Variants in ZNF471 observed in about 807,000 individuals in gnomAD.
The protein encoded by ZNF471 is EZFIT-related protein 1.
In ZNF471, 7 loss-of-function variants were observed where a neutral mutation model predicts 13.7. That is an observed-to-expected ratio of 0.51 (90% CI 0.29 to 0.96). ZNF471 has a LOEUF of 0.96. ZNF471 is among the 40% of genes least tolerant of loss of function. The pLI, the probability that ZNF471 is intolerant of heterozygous loss-of-function variation, is 0.08. For synonymous variants in ZNF471, 218 were observed against 235.6 expected (o/e 0.93, Z 0.68); for missense variants, 663 against 743.3 (o/e 0.89, Z 1.26).
chr19:56,525,128 C>A lies in ZNF471; in HGVS notation c.1061C>A (p.Ala354Asp). The change falls in exon 5 of 5, where the codon GCT becomes GAT. Residue 354 changes from alanine (A) to aspartate (D), a missense_variant. Transcript: ENST00000308031. ...TATGAATGTATTGAGTGTGGGAAGGCTTTTAGGTATAACACATCTTTTATT... is the reference window on the plus strand; with the variant it reads ...TATGAATGTATTGAGTGTGGGAAGGATTTTAGGTATAACACATCTTTTATT... ...RPYECIECGKAFRYNTSFIRH... is the reference protein window; with the variant it reads ...RPYECIECGKDFRYNTSFIRH... 6.2e-7 allele frequency: 1 copy of A among 1,614,068 alleles called. No homozygotes were observed. The highest frequency in any genetic ancestry group is 2.2e-5 in the East Asian group (1 of 44,862).
At chr19:56,511,093 T>C (rs901337875) in intron 1 of ZNF471, 4 of 846,500 alleles carry the variant, frequency 4.7e-6, no homozygotes, top group Admixed American at 7.2e-5. Flanking sequence ...CCTTTTTCTT[T>C]TGTTTTTTTT....
At chr19:56,515,875 T>C (rs1238665587) in intron 2 of ZNF471, among the ~76,000 whole-genome samples, 1 of 152,242 alleles carries the variant, frequency 6.6e-6, no homozygotes, top group Non-Finnish European at 1.5e-5. Context: ...AAACATGTTT[T>C]TATTATTTAA....
rs1295136163 is a variant in ZNF471, at chr19:56,529,120, A to G, written c.*3172A>G. 1 of 152,246 alleles carries G rather than the reference A, an allele frequency of 6.6e-6. No homozygotes were observed. The highest frequency in any genetic ancestry group is 2.1e-4 in the South Asian group (1 of 4,832). 9.4% of individuals were successfully genotyped at this position (152,246 alleles called of 1,614,324 possible). Reference sequence around the variant, plus strand: ...AACATGATCCTACATGAATGTTTCAATATTGTAATCCTGTAAGTTACTTTT... The same window carrying G: ...AACATGATCCTACATGAATGTTTCAGTATTGTAATCCTGTAAGTTACTTTT... On this transcript the variant is annotated 3_prime_UTR_variant, in exon 5 of 5. Transcript: ENST00000308031.
At position 56,525,574 on chromosome 19, in the gene ZNF471, G is replaced by T. The variant is rs2044035435; in HGVS notation, c.1507G>T (p.Ala503Ser). ...GKAFRISSQL[A>S]THQRIHTGEK... ...AGCTTTTAGAATCAGTTCACAGCTG[G>T]CTACTCATCAGAGAATTCATACTGG... is the stretch of plus-strand genomic sequence containing the variant. Residue 503 changes from alanine (A) to serine (S), a missense_variant, in exon 5 of 5, where the codon GCT (alanine) becomes TCT (serine). Physicochemically the swap from Ala to Ser is moderately conservative, Grantham distance 99. Coordinates refer to ENST00000308031, the MANE Select transcript of ZNF471 (RefSeq NM_020813.4). 1 of 1,613,930 alleles carries T rather than the reference G, an allele frequency of 6.2e-7. No individual in the cohort carries two copies. Among genetic ancestry groups the T allele is most frequent in the Non-Finnish European group, 8.5e-7 (1 of 1,179,978 alleles).
In ZNF471 at chr19:56,516,457, T is replaced by C; in HGVS notation, c.160+56T>C. 1 of 1,510,966 alleles carries C rather than the reference T, an allele frequency of 6.6e-7. No homozygotes were observed. The highest frequency in any genetic ancestry group is 8.9e-7 in the Non-Finnish European group (1 of 1,124,184). 93.6% of individuals were successfully genotyped at this position (1,510,966 alleles called of 1,614,324 possible). On this transcript the variant is annotated intron_variant, in intron 3 of 4. Transcript: ENST00000308031. This position sits in a 1 kb window ranked among gnomAD's most constrained non-coding sequence, Gnocchi z 4.4. ...CCTTTAAGGAACTTTTTTGTCTATA[T>C]ATTATTAAATTTGCTTTTATTATAT...
Position 56,527,605 on chromosome 19 carries a change from G to C in ZNF471, c.*1657G>C, listed in dbSNP as rs1203325163. 6.6e-6 allele frequency: 1 copy of C among 152,172 alleles called. No homozygotes were observed. The highest frequency in any genetic ancestry group is 1.9e-4 in the East Asian group (1 of 5,194). The allele number at this position is 152,172 out of a possible 1,614,324, so 9.4% of individuals were successfully genotyped here. On this transcript the variant is annotated 3_prime_UTR_variant, in exon 5 of 5. Transcript: ENST00000308031. ...AAAAGGTTAGAGGAATTGCTAACTA[G>C]AATAACCAGTTTAGAGAAGAACATA...
rs940722288 is a variant in ZNF471 at position 56,508,489 on chromosome 19, GGAGTGT to G, written c.-56+573_-56+578del. ...TGTGAGAGAGTGAGACGGGCTGGATGGAGTGTGAGAGACCAGTGAGTGTGAGAGATG... is the reference window on the plus strand; with the variant it reads ...TGTGAGAGAGTGAGACGGGCTGGATGGAGAGACCAGTGAGTGTGAGAGATG... On this transcript the variant is annotated intron_variant, in intron 1 of 4. Transcript: ENST00000308031. The surrounding 1 kb of genome is among the most constrained non-coding windows in gnomAD (Gnocchi z 4.7). 4.0e-5 allele frequency among the ~76,000 whole-genome samples: 6 copies of G among 151,344 alleles called. No homozygotes were observed. The highest frequency in any genetic ancestry group is 7.4e-5 in the Non-Finnish European group (5 of 67,806).
In ZNF471 at chr19:56,516,089, G is replaced by A. The variant is rs866948944; in HGVS notation, c.34-186G>A. 3.3e-5 allele frequency among the ~76,000 whole-genome samples: 5 copies of A among 152,154 alleles called. No individual in the cohort carries two copies. Among genetic ancestry groups the A allele is most frequent in the East Asian group, 1.9e-4 (1 of 5,190 alleles). ...CCCATATTTCCCTATGTTCGGAATC[G>A]ATTGGCCCCATTGTACCCAATGCAG... On this transcript the variant is annotated intron_variant, in intron 2 of 4. Transcript: ENST00000308031. The surrounding 1 kb of genome is among the most constrained non-coding windows in gnomAD (Gnocchi z 4.4).
intron 1 of ZNF471, chr19:56,511,080 T>A: frequency 4.1e-6 from 4 of 967,482 alleles, no homozygotes; most frequent in Non-Finnish European, 4.9e-6. Context: ...GGAGTCAGAT[T>A]TTCCTTTTTC....
At chr19:56,511,428 G>A (rs2043810152) in intron 1 of ZNF471, 89 bp from the exon 2 acceptor site, 1 of 1,019,012 alleles carries the variant, frequency 9.8e-7, no homozygotes, top group African/African-American at 1.6e-5. Flanking sequence ...ATCAACCAAA[G>A]CTGGGAAGAA....
rs1376054098 is a variant in ZNF471 at position 56,516,350 on chromosome 19, C to T, written c.109C>T (p.Arg37Cys). The change falls in exon 3 of 5, where the codon CGT (arginine) becomes TGT (cysteine). Residue 37 changes from arginine to cysteine, a missense_variant. Transcript: ENST00000308031. The surrounding 1 kb of genome is among the most constrained non-coding windows in gnomAD (Gnocchi z 4.4). Reference protein sequence around the residue: ...EWQWMNPAQKRLYRSMMLENY... With the variant: ...EWQWMNPAQKCLYRSMMLENY... ...GCAATGGATGAACCCTGCTCAGAAGCGTTTATACAGGAGTATGATGTTGGA... is the reference window on the plus strand; with the variant it reads ...GCAATGGATGAACCCTGCTCAGAAGTGTTTATACAGGAGTATGATGTTGGA... 4.3e-6 allele frequency: 7 copies of T among 1,613,712 alleles called. No homozygotes were observed. Among genetic ancestry groups the T allele is most frequent in the Admixed American group, 3.3e-5 (2 of 60,014 alleles).
intron 1 of ZNF471, 147 bp from the exon 2 acceptor site, chr19:56,511,370 G>T: frequency 1.9e-6 from 1 of 529,278 alleles, no homozygotes; most frequent in Non-Finnish European, 3.2e-6. Flanking sequence ...AAACCGTTAT[G>T]AGTTTTAGCC....
Position 56,526,063 on chromosome 19 carries a change from C to CTCCTGGCTGA in ZNF471, c.*115_*116insTCCTGGCTGA. On this transcript the variant is annotated 3_prime_UTR_variant, in exon 5 of 5. Coordinates refer to ENST00000308031, the MANE Select transcript of ZNF471 (RefSeq NM_020813.4). Reference sequence around the variant, plus strand: ...TAAGAAATGTAGAAAAACCTTCAGCCAGGAGGCTGGCAAGATGGCCGAATA... The same window carrying CTCCTGGCTGA: ...TAAGAAATGTAGAAAAACCTTCAGCCTCCTGGCTGAAGGAGGCTGGCAAGATGGCCGAATA... 1.7e-6 allele frequency: 2 copies of CTCCTGGCTGA among 1,194,270 alleles called. No individual in the cohort carries two copies. The highest frequency in any genetic ancestry group is 2.3e-6 in the Non-Finnish European group (2 of 874,524). The allele number at this position is 1,194,270 out of a possible 1,614,324, so 74.0% of individuals were successfully genotyped here. A position where few individuals can be genotyped will look rare whatever the true frequency, so the allele number is the denominator to read the frequency against.
At chr19:56,521,831 C>T (rs2147923798) in intron 4 of ZNF471, among the ~76,000 whole-genome samples, 1 of 151,962 alleles carries the variant, frequency 6.6e-6, no homozygotes, top group East Asian at 1.9e-4. Context: ...TTGGTACTCC[C>T]AGCTACTCAG....
rs967252659 is a variant in ZNF471, at chr19:56,522,796, GCA to G, written c.257-1525_257-1524del. Among the ~76,000 whole-genome samples, 1 of 151,496 alleles carries G rather than the reference GCA, an allele frequency of 6.6e-6. No individual in the cohort carries two copies. Among genetic ancestry groups the G allele is most frequent in the African/African-American group, 2.4e-5 (1 of 41,214 alleles). ...TTGTCACCCAGGCTGGAGTGCAATG[GCA>G]CAGTCTTGGCTCACTGCAACCTATG... On this transcript the variant is annotated intron_variant, in intron 4 of 4. Transcript: ENST00000308031. This position sits in a 1 kb window ranked among gnomAD's most constrained non-coding sequence, Gnocchi z 4.1.
chr19:56,525,382 G>T lies in ZNF471; in HGVS notation c.1315G>T (p.Asp439Tyr), dbSNP rs922934578. ...KPYECDICGK[D>Y]FSHHASLTQH... Reference sequence around the variant, plus strand: ...TTATGAATGTGATATATGTGGGAAAGATTTTAGCCATCATGCATCACTCAC... The same window carrying T: ...TTATGAATGTGATATATGTGGGAAATATTTTAGCCATCATGCATCACTCAC... Residue 439 changes from aspartate (D) to tyrosine (Y), a missense_variant, in exon 5 of 5, where the codon GAT (aspartate) becomes TAT (tyrosine). Physicochemically the swap from Asp to Tyr is radical, Grantham distance 160. Transcript: ENST00000308031. 1.1e-5 allele frequency: 17 copies of T among 1,613,986 alleles called. No homozygotes were observed. Among genetic ancestry groups the T allele is most frequent in the Non-Finnish European group, 1.4e-5 (16 of 1,180,002 alleles).
At chr19:56,509,302 A>G (rs757215849) in intron 1 of ZNF471, among the ~76,000 whole-genome samples, 4 of 152,178 alleles carry the variant, frequency 2.6e-5, no homozygotes, top group Non-Finnish European at 5.9e-5. Flanking sequence ...GGGTTCATCA[A>G]ACTTCCAGAT....
chr19:56,524,694 T>G lies in ZNF471; in HGVS notation c.627T>G (p.Asn209Lys), dbSNP rs200027625. The part of the protein sequence containing the change: ...VYVGKKLFKC[N>K]ECDKTFTHSS... ...TAGGAAAGAAGCTTTTTAAATGTAA[T>G]GAATGTGACAAAACCTTCACCCATA... The change falls in exon 5 of 5, where the codon AAT (asparagine) becomes AAG (lysine). Residue 209 changes from asparagine to lysine, a missense_variant. Coordinates refer to ENST00000308031, the MANE Select transcript of ZNF471 (RefSeq NM_020813.4). The surrounding 1 kb of genome is among the most constrained non-coding windows in gnomAD (Gnocchi z 4.8). The G allele has an allele frequency of 2.8e-5, 44 of 1,580,034 alleles. No homozygotes were observed. Among genetic ancestry groups the G allele is most frequent in the South Asian group, 2.3e-4 (19 of 84,386 alleles).
rs1247339678 is a variant in ZNF471, at chr19:56,528,964, C to T, written c.*3016C>T. On this transcript the variant is annotated 3_prime_UTR_variant, in exon 5 of 5. Coordinates refer to ENST00000308031, the MANE Select transcript of ZNF471 (RefSeq NM_020813.4). The stretch of plus-strand genomic sequence containing the variant: ...AAAATGTTCCACTTCTTTCATGAGG[C>T]TAAGTCAACTCTGATATCAAACCAA... 6.6e-6 allele frequency: 1 copy of T among 151,534 alleles called. No homozygotes were observed. The highest frequency in any genetic ancestry group is 6.6e-5 in the Admixed American group (1 of 15,228). The allele number at this position is 151,534 out of a possible 1,614,324, so 9.4% of individuals were successfully genotyped here.
Sources: allele counts gnomAD v4.1 joint callset (sites outside exome capture counted in the v4.1 genomes callset), GRCh38; gene constraint gnomAD v4.1.1; non-coding constraint Gnocchi (gnomAD v3.1); transcripts MANE v1.5; gene names NCBI Gene and HGNC (gene_info 2026-07-23, HGNC 2026-07-21).